Variants in ARHGAP44 observed in about 807,000 individuals in gnomAD.
ARHGAP44 encodes the protein rho GTPase-activating protein 44.
ARHGAP44 carries 43 observed loss-of-function variants against 106.8 expected under a neutral mutation model. The ratio of observed to expected loss-of-function variants is 0.40; its 90% CI spans 0.32 to 0.52. The LOEUF is 0.52. ARHGAP44 is among the 20% of genes least tolerant of loss of function. ARHGAP44 has a pLI of 0.48. For missense variants in ARHGAP44, 866 were observed against 1,050.5 expected, an observed-to-expected ratio of 0.82 and a Z score of 2.43; for synonymous variants, 439 against 410.3, an observed-to-expected ratio of 1.07 and a Z score of -0.85.
At chr17:12,894,241 A>AGAGTGT (rs72496069) in intron 1 of ARHGAP44, among the ~76,000 whole-genome samples, 22 of 148,096 alleles carry the variant, frequency 1.5e-4, no homozygotes, top group African/African-American at 2.2e-4. Flanking sequence ...AGAGAGAGAG[A>AGAGTGT]GTGTGTGTGT....
At chr17:12,793,664 C>T (rs907306900) in intron 1 of ARHGAP44, among the ~76,000 whole-genome samples, 1 of 151,468 alleles carries the variant, frequency 6.6e-6, no homozygotes, top group Non-Finnish European at 1.5e-5. Context: ...GCCAAGCTTG[C>T]ACCACTGTAC....
intron 1 of ARHGAP44, among the ~76,000 whole-genome samples, chr17:12,826,964 C>G (rs925280304): frequency 6.6e-6 from 1 of 152,122 alleles, no homozygotes; most frequent in African/African-American, 2.4e-5. Context: ...TACCCAATCA[C>G]CACCTTAAGC....
In ARHGAP44 at chr17:12,986,005, C is replaced by A. The variant is rs142323523; in HGVS notation, c.2317+1097C>A. On this transcript the variant is annotated intron_variant, in intron 20 of 20. Coordinates refer to ENST00000379672, the MANE Select transcript of ARHGAP44 (RefSeq NM_014859.6). ...CCTTCTCCAAAAGAGTGATTTATTTCTTCCGTGATTAGACGGAAGCAGTGA... is the reference window on the plus strand; with the variant it reads ...CCTTCTCCAAAAGAGTGATTTATTTATTCCGTGATTAGACGGAAGCAGTGA... 51 of 152,350 alleles carry A rather than the reference C, an allele frequency of 3.3e-4. 1 individual carries two copies. Among genetic ancestry groups the A allele is most frequent in the African/African-American group, 1.2e-3 (48 of 41,572 alleles). 9.4% of individuals were successfully genotyped at this position (152,350 alleles called of 1,614,324 possible). A position where few individuals can be genotyped will look rare whatever the true frequency, so the allele number is the denominator to read the frequency against.
At chr17:12,931,076 T>C (rs533245520) in intron 7 of ARHGAP44, among the ~76,000 whole-genome samples, 1 of 152,334 alleles carries the variant, frequency 6.6e-6, no homozygotes, top group Non-Finnish European at 1.5e-5. Flanking sequence ...TTTTGTTTTG[T>C]TCTGTTTTGT....
intron 19 of ARHGAP44, chr17:12,983,124 G>A (rs1163190898): frequency 6.6e-6 from 1 of 152,076 alleles, no homozygotes; most frequent in Non-Finnish European, 1.5e-5. Context: ...AATTAGCTGG[G>A]CATGGTGGCA....
chr17:12,828,668 GTCTC>G (rs2034998551), intron 1 of ARHGAP44, among the ~76,000 whole-genome samples: 1 of 121,528 alleles, frequency 8.2e-6, no homozygotes, highest in East Asian at 2.6e-4. Flanking sequence ...TAAAGACAGA[GTCTC>G]TCTCTGTCAC....
chr17:12,956,680 G>C lies in ARHGAP44; in HGVS notation c.1276G>C (p.Val426Leu). 6.2e-7 allele frequency: 1 copy of C among 1,614,170 alleles called. No individual in the cohort carries two copies. Among genetic ancestry groups the C allele is most frequent in the Non-Finnish European group, 8.5e-7 (1 of 1,180,018 alleles). Residue 426 changes from valine to leucine, a missense_variant, in exon 15 of 21, where the codon GTG (valine) becomes CTG (leucine). Coordinates refer to ENST00000379672, the MANE Select transcript of ARHGAP44 (RefSeq NM_014859.6). ...GAACATTACAGAGATGATGACCACA[G>C]TGTCGCTGCAAATTGTTGGGATCAT... Reference protein sequence around the residue: ...EGNITEMMTTVSLQIVGIIEP... With the variant: ...EGNITEMMTTLSLQIVGIIEP...
chr17:12,809,299 C>A lies in ARHGAP44; in HGVS notation c.53+19408C>A, dbSNP rs2034369437. Among the ~76,000 whole-genome samples, 3 of 152,190 alleles carry A rather than the reference C, an allele frequency of 2.0e-5. No individual in the cohort carries two copies. In the South Asian group the frequency reaches 6.2e-4, roughly 32 times the overall value. The stretch of plus-strand genomic sequence containing the variant: ...TTTCAGGTATCTTTACAGCAGAGCC[C>A]CACTCCCGGTACCAATTTACTATAT... On this transcript the variant is annotated intron_variant, in intron 1 of 20. Transcript: ENST00000379672.
Position 12,926,488 on chromosome 17 carries a change from G to A in ARHGAP44, c.465-2441G>A, listed in dbSNP as rs565588911. On this transcript the variant is annotated intron_variant, in intron 6 of 20. Coordinates refer to ENST00000379672, the MANE Select transcript of ARHGAP44 (RefSeq NM_014859.6). Reference sequence around the variant, plus strand: ...TATAATATATATAATATATATGTATGTATAATATATGTATATATATTATAT... The same window carrying A: ...TATAATATATATAATATATATGTATATATAATATATGTATATATATTATAT... Among the ~76,000 whole-genome samples the A allele has an allele frequency of 2.2e-3, 305 of 141,738 alleles. 7 individuals are homozygous for A. In the East Asian group the frequency reaches 0.039, roughly 18 times the overall value. The allele number at this position is 141,738 out of a possible 152,430, so 93.0% of individuals were successfully genotyped here.
Position 12,896,520 on chromosome 17 carries a change from C to A in ARHGAP44, c.198+9C>A. ...AGGCTGACAAGCGCTCCGTAAGTGC[C>A]CTCCCAGCCCTGGGGAGCTGAAATC... On this transcript the variant is annotated intron_variant, in intron 3 of 20. Coordinates refer to ENST00000379672, the MANE Select transcript of ARHGAP44 (RefSeq NM_014859.6). 2 of 1,583,048 alleles carry A rather than the reference C, an allele frequency of 1.3e-6. No homozygotes were observed. The highest frequency in any genetic ancestry group is 3.3e-4 in the Middle Eastern group (2 of 6,034).
At chr17:12,946,827 A>C (rs2143040658) in intron 10 of ARHGAP44, among the ~76,000 whole-genome samples, 1 of 151,230 alleles carries the variant, frequency 6.6e-6, no homozygotes, top group Admixed American at 6.6e-5. Flanking sequence ...ATATTCCCCA[A>C]AAAGTAACAG....
rs563770811 is a variant in ARHGAP44, at chr17:12,844,208, C to T, written c.54-50732C>T. ...TGTTTTCTGTTGCTGTGACAGAATACCAGAGACCGGGTAACTTATAAAGAA... is the reference window on the plus strand; with the variant it reads ...TGTTTTCTGTTGCTGTGACAGAATATCAGAGACCGGGTAACTTATAAAGAA... On this transcript the variant is annotated intron_variant, in intron 1 of 20. Coordinates refer to ENST00000379672, the MANE Select transcript of ARHGAP44 (RefSeq NM_014859.6). Among the ~76,000 whole-genome samples the T allele has an allele frequency of 5.9e-5, 9 of 152,158 alleles. No homozygotes were observed. The South Asian group carries it at 1.7e-3, about 28-fold the overall frequency.
In ARHGAP44 at chr17:12,953,931, G is replaced by C. The variant is rs190979854; in HGVS notation, c.1136+1350G>C. Among the ~76,000 whole-genome samples, 606 of 152,270 alleles carry C rather than the reference G, an allele frequency of 4.0e-3. 3 individuals carry two copies. Among genetic ancestry groups the C allele is most frequent in the African/African-American group, 0.014 (577 of 41,536 alleles). On this transcript the variant is annotated intron_variant, in intron 13 of 20. Coordinates refer to ENST00000379672, the MANE Select transcript of ARHGAP44 (RefSeq NM_014859.6). ...AGACAGAGTCTCACTCTATCTCCCA[G>C]GCTGGAGTCCAGTGGTGCAATCTCG...
rs1213325834 is a variant in ARHGAP44 at position 12,931,841 on chromosome 17, T to TACACACAAACACACACACAC, written c.582+2802_582+2803insAACACACACACACACACACA. Among the ~76,000 whole-genome samples the TACACACAAACACACACACAC allele has an allele frequency of 3.3e-4, 48 of 146,410 alleles. No homozygotes were observed. In the South Asian group the frequency reaches 7.6e-3, roughly 23 times the overall value. On this transcript the variant is annotated intron_variant, in intron 7 of 20. Transcript: ENST00000379672. ...ATTGCATGATATTCCACAGTAGGGA[T>TACACACAAACACACACACAC]ACACACACACACACACACACACACA...
intron 1 of ARHGAP44, among the ~76,000 whole-genome samples, chr17:12,888,008 T>C (rs891479697): frequency 5.9e-5 from 9 of 152,218 alleles, no homozygotes; most frequent in Non-Finnish European, 1.0e-4. Flanking sequence ...TAATGTTCTT[T>C]TCAGTCTTGC....
At chr17:12,902,663 A>T (rs966539345) in intron 3 of ARHGAP44, among the ~76,000 whole-genome samples, 3 of 152,222 alleles carry the variant, frequency 2.0e-5, no homozygotes, top group African/African-American at 7.2e-5. Context: ...CCTTTTCTGT[A>T]ACAGGCAATT....
intron 1 of ARHGAP44, among the ~76,000 whole-genome samples, chr17:12,863,759 C>T (rs1259686008): frequency 6.6e-6 from 1 of 152,210 alleles, no homozygotes; most frequent in African/African-American, 2.4e-5. Context: ...TGCTCTCCAA[C>T]ATACCACCTC....
In ARHGAP44 at chr17:12,949,570, C is replaced by T; in HGVS notation, c.974-79C>T. On this transcript the variant is annotated intron_variant, in intron 11 of 20. Coordinates refer to ENST00000379672, the MANE Select transcript of ARHGAP44 (RefSeq NM_014859.6). This position sits in a 1 kb window ranked among gnomAD's most constrained non-coding sequence, Gnocchi z 4.1. Reference sequence around the variant, plus strand: ...AGGAGGCCCATCCCCAGATGGAACCCACATAGGCAGTGCTGGCTGGTGGGT... The same window carrying T: ...AGGAGGCCCATCCCCAGATGGAACCTACATAGGCAGTGCTGGCTGGTGGGT... The T allele has an allele frequency of 7.3e-7, 1 of 1,376,028 alleles. No individual in the cohort carries two copies. The highest frequency in any genetic ancestry group is 1.0e-6 in the Non-Finnish European group (1 of 977,248). 85.2% of individuals were successfully genotyped at this position (1,376,028 alleles called of 1,614,324 possible). A position where few individuals can be genotyped will look rare whatever the true frequency, so the allele number is the denominator to read the frequency against.
chr17:12,848,889 A>G (rs1386461010), intron 1 of ARHGAP44, among the ~76,000 whole-genome samples: 2 of 152,120 alleles, frequency 1.3e-5, no homozygotes, highest in African/African-American at 4.8e-5. Context: ...TCTACTAAAA[A>G]AATACAAAAT....
Sources: allele counts gnomAD v4.1 joint callset (sites outside exome capture counted in the v4.1 genomes callset), GRCh38; gene constraint gnomAD v4.1.1; non-coding constraint Gnocchi (gnomAD v3.1); transcripts MANE v1.5; gene names NCBI Gene and HGNC (gene_info 2026-07-23, HGNC 2026-07-21).